CCDC138: variants seen among roughly 807,000 people sequenced by gnomAD.
The protein encoded by CCDC138 is coiled-coil domain containing 138, also known as coiled-coil domain-containing protein 138.
Under a neutral mutation model 82.3 loss-of-function variants are expected in CCDC138, and 66 were observed. The observed-to-expected ratio is 0.80, with a 90% CI of 0.66 to 0.98. CCDC138 has a LOEUF of 0.98. CCDC138 is among the 50% of genes least tolerant of loss of function. CCDC138 has a pLI of 0.00. For synonymous variants in CCDC138, 297 were observed against 265.4 expected, an observed-to-expected ratio of 1.12 and a Z score of -1.16; for missense variants, 816 against 758.9, an observed-to-expected ratio of 1.08 and a Z score of -0.88.
rs531706049 is a variant in CCDC138, at chr2:108,813,947, A to G, written c.1041+1020A>G. On this transcript the variant is annotated intron_variant, in intron 9 of 14. Transcript: ENST00000295124. ...TTGTTCCTTACTATTGCTCAATAGT[A>G]TTTCATTGTATGACTGTATCAGAGT... Among the ~76,000 whole-genome samples the G allele has an allele frequency of 4.6e-5, 7 of 152,288 alleles. No homozygotes were observed. In the East Asian group the frequency reaches 7.7e-4, roughly 17 times the overall value.
chr2:108,798,617 T>C (rs1319995853), intron 6 of CCDC138, 31 bp downstream of exon 6: 1 of 1,504,742 alleles, frequency 6.6e-7, no homozygotes, highest in Non-Finnish European at 9.0e-7. Flanking sequence ...TTTAGAGTGG[T>C]ATATTTCTTC....
intron 13 of CCDC138, among the ~76,000 whole-genome samples, chr2:108,857,268 G>A (rs1187940362): frequency 1.3e-5 from 2 of 151,694 alleles, no homozygotes; most frequent in East Asian, 1.9e-4. Context: ...TGGTAGAGAC[G>A]GGGTTTCACC....
intron 10 of CCDC138, among the ~76,000 whole-genome samples, chr2:108,831,331 T>G (rs11900990): frequency 0.13 from 19,887 of 152,234 alleles, 1,430 homozygotes; most frequent in Middle Eastern, 0.22. Context: ...TCCCTACTAC[T>G]GCCACCCTAT....
At chr2:108,791,512 T>A (rs773252422) in intron 3 of CCDC138, 163 bp from the exon 4 acceptor site, 3 of 753,736 alleles carry the variant, frequency 4.0e-6, no homozygotes, top group Non-Finnish European at 6.8e-6. Flanking sequence ...TCAGTGACTG[T>A]TAGTTTTTAC....
At chr2:108,861,998 A>G (rs1221504536) in intron 13 of CCDC138, among the ~76,000 whole-genome samples, 1 of 149,822 alleles carries the variant, frequency 6.7e-6, no homozygotes, top group East Asian at 2.0e-4. Context: ...ATGTGTTTAT[A>G]TGTTTTTGAG....
chr2:108,879,831 C>G (rs1270432214), downstream of CCDC138, among the ~76,000 whole-genome samples: 6 of 152,136 alleles, frequency 3.9e-5, no homozygotes, highest in South Asian at 8.3e-4. Context: ...AGAGTTGTGA[C>G]TAGAGTCCTT....
At chr2:108,819,026 G>T (rs1391212998) in intron 10 of CCDC138, among the ~76,000 whole-genome samples, 1 of 152,132 alleles carries the variant, frequency 6.6e-6, no homozygotes, top group Admixed American at 6.5e-5. Flanking sequence ...TGAGGTGGAA[G>T]GTACTATGTG....
At chr2:108,799,059 GGTT>G in intron 6 of CCDC138, among the ~76,000 whole-genome samples, 1 of 151,864 alleles carries the variant, frequency 6.6e-6, no homozygotes, top group Admixed American at 6.6e-5. Context: ...GGGGCGGGGG[GGTT>G]GTTTGTTTGA....
At chr2:108,854,841 A>G (rs905751996) in intron 12 of CCDC138, among the ~76,000 whole-genome samples, 1 of 152,176 alleles carries the variant, frequency 6.6e-6, no homozygotes, top group Non-Finnish European at 1.5e-5. Flanking sequence ...TTAAGTTACA[A>G]GTTTAGCCCA....
At chr2:108,873,773 T>C (rs1200104220) in intron 14 of CCDC138, among the ~76,000 whole-genome samples, 184 bp downstream of exon 14, 2 of 152,146 alleles carry the variant, frequency 1.3e-5, no homozygotes, top group Admixed American at 1.3e-4. Context: ...CAAAACCTCA[T>C]AGTGTTTTCA....
intron 7 of CCDC138, among the ~76,000 whole-genome samples, chr2:108,811,167 A>C (rs1444940370): frequency 5.6e-5 from 7 of 125,474 alleles, no homozygotes; most frequent in African/African-American, 1.3e-4. Flanking sequence ...TACCCCCCTA[A>C]CCCTGCCTTC....
At chr2:108,884,699 G>A (rs1415204143) in intron 2 of CCDC138, 3 of 152,100 alleles carry the variant, frequency 2.0e-5, no homozygotes, top group Non-Finnish European at 2.9e-5. Flanking sequence ...TCCCCTTTTC[G>A]AGATTGTGTC....
chr2:108,799,515 G>A (rs1444087398), intron 6 of CCDC138, among the ~76,000 whole-genome samples: 1 of 152,098 alleles, frequency 6.6e-6, no homozygotes, highest in African/African-American at 2.4e-5. Context: ...CAGTACATCT[G>A]CCTTTTCCAG....
chr2:108,807,299 T>C (rs1238244688), intron 7 of CCDC138, among the ~76,000 whole-genome samples: 1 of 152,142 alleles, frequency 6.6e-6, no homozygotes, highest in Non-Finnish European at 1.5e-5. Context: ...AATAAGTCTA[T>C]GGAAAGGAAT....
In CCDC138 at chr2:108,794,600, G is replaced by C; in HGVS notation, c.455G>C (p.Gly152Ala). Residue 152 changes from glycine to alanine, a missense_variant, in exon 5 of 15, where the codon GGT (glycine) becomes GCT (alanine). Transcript: ENST00000295124. Reference protein sequence around the residue: ...RPRTECCSDAGDSPLKPVSCP... With the variant: ...RPRTECCSDAADSPLKPVSCP... ...CGGACTGAGTGTTGTAGTGATGCAG[G>C]TGACTCTCCTTTGAAACCTGTCAGC... 1 of 1,614,054 alleles carries C rather than the reference G, an allele frequency of 6.2e-7. No homozygotes were observed. The highest frequency in any genetic ancestry group is 1.1e-5 in the South Asian group (1 of 91,076).
chr2:108,840,674 C>G (rs1198884035), intron 11 of CCDC138, among the ~76,000 whole-genome samples: 1 of 151,968 alleles, frequency 6.6e-6, no homozygotes, highest in Non-Finnish European at 1.5e-5. Context: ...AGCATTATTT[C>G]CTTCTTGATA....
chr2:108,790,384 T>A (rs1048476132), intron 3 of CCDC138, among the ~76,000 whole-genome samples: 1 of 152,200 alleles, frequency 6.6e-6, no homozygotes, highest in East Asian at 1.9e-4. Context: ...AAGGTTTTCA[T>A]AACATTGGAC....
At chr2:108,800,045 A>T (rs1681634557) in intron 6 of CCDC138, among the ~76,000 whole-genome samples, 1 of 152,116 alleles carries the variant, frequency 6.6e-6, no homozygotes, top group South Asian at 2.1e-4. Flanking sequence ...GCATAGTTTA[A>T]AAACTATGTA....
chr2:108,850,684 C>G (rs1691323161), intron 12 of CCDC138, among the ~76,000 whole-genome samples: 1 of 152,140 alleles, frequency 6.6e-6, no homozygotes, highest in African/African-American at 2.4e-5. Context: ...AACTCCTGAC[C>G]TCATGATCTG....
Sources: gnomAD v4.1 joint callset for allele counts (sites outside exome capture counted in the v4.1 genomes callset) on GRCh38, gnomAD v4.1.1 for gene constraint, MANE v1.5 for transcripts, NCBI Gene and HGNC (gene_info 2026-07-23, HGNC 2026-07-21) for gene names.